Variants in FREM1 observed in about 807,000 individuals in gnomAD.
FREM1 encodes FRAS1-related extracellular matrix protein 1.
A neutral mutation model predicts 210.1 loss-of-function variants in FREM1; 220 were observed. That is an observed-to-expected ratio of 1.05 (90% CI 0.94 to 1.17). The LOEUF (loss-of-function observed/expected upper bound fraction) is 1.17, where lower values mean the gene tolerates loss of function less well. Among genes scored for constraint, FREM1 ranks in the 50% most tolerant of loss-of-function variants. FREM1 has a pLI of 0.00. For missense variants in FREM1, 3,454 were observed against 2,675.5 expected (o/e 1.29, Z -6.42); for synonymous variants, 1,189 against 980.2 (o/e 1.21, Z -3.98).
chr9:14,845,451 C>G (rs1344525501), intron 8 of FREM1, among the ~76,000 whole-genome samples: 2 of 152,046 alleles, frequency 1.3e-5, no homozygotes, highest in Non-Finnish European at 2.9e-5. Flanking sequence ...ACTACAGGCG[C>G]CCGCCACCAT....
intron 35 of FREM1, among the ~76,000 whole-genome samples, chr9:14,743,391 G>A (rs1841893734): frequency 6.6e-6 from 1 of 151,910 alleles, no homozygotes; most frequent in South Asian, 2.1e-4. Context: ...GTCAACATGA[G>A]GGCATCGACA....
chr9:14,837,065 G>A (rs552674528), intron 10 of FREM1, among the ~76,000 whole-genome samples: 2 of 152,310 alleles, frequency 1.3e-5, no homozygotes, highest in South Asian at 2.1e-4. Flanking sequence ...ACCCAACATG[G>A]CGATTCCCTT....
At chr9:14,767,004 G>C (rs887135117) in intron 27 of FREM1, among the ~76,000 whole-genome samples, 1 of 152,076 alleles carries the variant, frequency 6.6e-6, no homozygotes, top group African/African-American at 2.4e-5. Context: ...ATTTGTTAAG[G>C]AGTTTAAATA....
chr9:14,737,971 A>G (rs1840705014), intron 36 of FREM1, among the ~76,000 whole-genome samples: 1 of 152,202 alleles, frequency 6.6e-6, no homozygotes, highest in African/African-American at 2.4e-5. Context: ...TATTATTCAT[A>G]TCATCCTACA....
At chr9:14,861,720 T>A (rs1259161098) in intron 3 of FREM1, among the ~76,000 whole-genome samples, 1 of 152,088 alleles carries the variant, frequency 6.6e-6, no homozygotes, top group Admixed American at 6.6e-5. Context: ...TTGACCAGGC[T>A]GGTCTCAAAC....
intron 24 of FREM1, among the ~76,000 whole-genome samples, chr9:14,783,181 C>G (rs932658126): frequency 6.6e-6 from 1 of 152,166 alleles, no homozygotes; most frequent in Non-Finnish European, 1.5e-5. Context: ...TCCAAATCAG[C>G]TTTCAAAAAT....
intron 23 of FREM1, among the ~76,000 whole-genome samples, chr9:14,785,869 T>C (rs1234021479): frequency 6.6e-6 from 1 of 152,172 alleles, no homozygotes; most frequent in Non-Finnish European, 1.5e-5. Flanking sequence ...TATTTAACAC[T>C]ATGAACTGGT....
intron 1 of FREM1, among the ~76,000 whole-genome samples, chr9:14,898,141 C>G (rs1229056374): frequency 6.6e-6 from 1 of 152,166 alleles, no homozygotes; most frequent in African/African-American, 2.4e-5. Context: ...TCTACCAGAC[C>G]TGTGCACCTA....
chr9:14,891,005 T>A (rs1489521150), intron 1 of FREM1, among the ~76,000 whole-genome samples: 3 of 152,202 alleles, frequency 2.0e-5, no homozygotes, highest in African/African-American at 4.8e-5. Context: ...CTCACATTCA[T>A]CATGGTGTGC....
At chr9:14,899,579 G>A (rs767947179) in intron 1 of FREM1, among the ~76,000 whole-genome samples, 9 of 152,148 alleles carry the variant, frequency 5.9e-5, no homozygotes, top group South Asian at 2.1e-4. Flanking sequence ...AAATTACATC[G>A]TATAAGAACT....
In FREM1 at chr9:14,792,272, GCACACA is replaced by G. The variant is rs34037291; in HGVS notation, c.3981+465_3981+470del. 4.6e-3 allele frequency among the ~76,000 whole-genome samples: 651 copies of G among 142,322 alleles called. 4 individuals are homozygous for G. The highest frequency in any genetic ancestry group is 0.014 in the African/African-American group (530 of 37,448). The allele number at this position is 142,322 out of a possible 152,430, so 93.4% of individuals were successfully genotyped here. On this transcript the variant is annotated intron_variant, in intron 22 of 36. Coordinates refer to ENST00000380880, the MANE Select transcript of FREM1 (RefSeq NM_001379081.2). ...GAAATACACACACCCACACACACAC[GCACACA>G]CACACACACACACACACACACACAC... is the stretch of plus-strand genomic sequence containing the variant.
At chr9:14,795,997 C>A (rs1051029880) in intron 21 of FREM1, among the ~76,000 whole-genome samples, 3 of 152,136 alleles carry the variant, frequency 2.0e-5, no homozygotes, top group Non-Finnish European at 4.4e-5. Flanking sequence ...AAAGGCTATA[C>A]TAATCCAACA....
intron 5 of FREM1, 22 bp from the exon 6 acceptor site, chr9:14,851,629 A>G (rs1827775017): frequency 6.6e-7 from 1 of 1,526,240 alleles, no homozygotes; most frequent in Non-Finnish European, 9.1e-7. Flanking sequence ...TAGAGAAAAT[A>G]TAAAGGAGGA....
intron 1 of FREM1, among the ~76,000 whole-genome samples, chr9:14,902,400 AC>A (rs1838944861): frequency 6.6e-6 from 1 of 152,082 alleles, no homozygotes; most frequent in Non-Finnish European, 1.5e-5. Flanking sequence ...ATATGCAAGG[AC>A]CCCAGAGTTT....
In FREM1 at chr9:14,797,542, T is replaced by C. The variant is rs768374514; in HGVS notation, c.3795A>G (p.Ser1265=). The C allele has an allele frequency of 1.2e-6, 2 of 1,613,002 alleles. No individual in the cohort carries two copies. Among genetic ancestry groups the C allele is most frequent in the East Asian group, 4.5e-5 (2 of 44,866 alleles). ...DGKHKILKTI[S]VEVIPVNDEK... ...CATCATTAACTGGGATGACCTCTAC[T>C]GAAATGGTTTTAAGTATCTTATGTT... The change falls in exon 21 of 37, where the codon TCA becomes TCG. Residue 1265 remains serine (S), a synonymous_variant. Transcript: ENST00000380880.
chr9:14,741,787 T>C lies in FREM1; in HGVS notation c.6255-1553A>G, dbSNP rs541007004. Among the ~76,000 whole-genome samples, 226 of 152,350 alleles carry C rather than the reference T, an allele frequency of 1.5e-3. 2 individuals are homozygous for C. The highest frequency in any genetic ancestry group is 2.6e-3 in the Non-Finnish European group (180 of 68,030). On this transcript the variant is annotated intron_variant, in intron 35 of 36. Coordinates refer to ENST00000380880, the MANE Select transcript of FREM1 (RefSeq NM_001379081.2). The stretch of plus-strand genomic sequence containing the variant: ...AACTAATTTGCTTACTGAAATTCCC[T>C]AACTTTGCAGCCTCAACTTCAGCAT...
chr9:14,867,091 C>G (rs1831665174), intron 2 of FREM1, among the ~76,000 whole-genome samples: 1 of 152,116 alleles, frequency 6.6e-6, no homozygotes, highest in East Asian at 1.9e-4. Context: ...AACTCCTGGA[C>G]TCAAGTGATC....
At position 14,857,706 on chromosome 9, in the gene FREM1, TG is replaced by T; in HGVS notation, c.674del (p.Pro225GlnfsTer3). 1 of 1,613,306 alleles carries T rather than the reference TG, an allele frequency of 6.2e-7. No homozygotes were observed. Among genetic ancestry groups the T allele is most frequent in the Non-Finnish European group, 8.5e-7 (1 of 1,179,482 alleles). On this transcript the variant is annotated frameshift_variant, in exon 5 of 37. Coordinates refer to ENST00000380880, the MANE Select transcript of FREM1 (RefSeq NM_001379081.2). LOFTEE classifies it high-confidence loss of function. ...TGAGGCTTCCTATTTTCTTTAATCC[TG>T]GGGTACAGCTCCCACCTGGACACTT... ...KLKCPGGSCT[P>X]GLKKIGSLKV...
At chr9:14,750,302 C>G (rs772893275) in intron 29 of FREM1, 26 bp from the exon 30 acceptor site, 1 of 1,564,844 alleles carries the variant, frequency 6.4e-7, no homozygotes, top group Admixed American at 1.7e-5. Context: ...ATTTTAATTA[C>G]TCTTTAATTG....
Sources: allele counts gnomAD v4.1 joint callset (sites outside exome capture counted in the v4.1 genomes callset), GRCh38; gene constraint gnomAD v4.1.1; transcripts MANE v1.5; gene names NCBI Gene and HGNC (gene_info 2026-07-23, HGNC 2026-07-21).